SLC7A6: variants seen among roughly 807,000 people sequenced by gnomAD.
The protein encoded by SLC7A6 is solute carrier family 7 member 6, also known as Y+L amino acid transporter 2.
SLC7A6 carries 29 observed loss-of-function variants against 46.6 expected under a neutral mutation model. The ratio of observed to expected loss-of-function variants is 0.62; its 90% confidence interval spans 0.46 to 0.85. The LOEUF (loss-of-function observed/expected upper bound fraction) is 0.85, where lower values mean the gene tolerates loss of function less well. SLC7A6 is among the 40% of genes least tolerant of loss of function. SLC7A6 has a pLI of 0.00. For synonymous variants in SLC7A6, 276 were observed against 257.3 expected (o/e 1.07, Z -0.70); for missense variants, 527 against 647.6 (o/e 0.81, Z 2.02).
In SLC7A6 at chr16:68,291,621, T is replaced by G; in HGVS notation, c.982T>G (p.Cys328Gly). The change falls in exon 7 of 11, where the codon TGC becomes GGC. Residue 328 changes from cysteine (C) to glycine (G), a missense_variant. Cys to Gly is a radical substitution (Grantham distance 159). Transcript: ENST00000219343. ...WTIPIAVALS[C>G]FGGLNASIFA... Reference sequence around the variant, plus strand: ...CATCCCCATTGCTGTTGCCCTGTCCTGCTTTGGGGGCCTCAATGCATCCAT... The same window carrying G: ...CATCCCCATTGCTGTTGCCCTGTCCGGCTTTGGGGGCCTCAATGCATCCAT... 6.2e-7 allele frequency: 1 copy of G among 1,614,222 alleles called. No individual in the cohort carries two copies. The highest frequency in any genetic ancestry group is 8.5e-7 in the Non-Finnish European group (1 of 1,180,032).
chr16:68,290,642 C>G (rs2043030637), intron 5 of SLC7A6, 102 bp downstream of exon 5: 12 of 1,326,568 alleles, frequency 9.0e-6, no homozygotes, highest in Non-Finnish European at 1.3e-5. Context: ...CGACTCTCCT[C>G]CCCTCTTCTC....
rs2043258789 is a variant in SLC7A6, at chr16:68,300,889, G to A, written c.*3561G>A. The A allele has an allele frequency of 2.0e-6, 2 of 991,348 alleles. No homozygotes were observed. Among genetic ancestry groups the A allele is most frequent in the South Asian group, 9.2e-5 (2 of 21,658 alleles). 61.4% of individuals were successfully genotyped at this position (991,348 alleles called of 1,614,324 possible). On this transcript the variant is annotated 3_prime_UTR_variant, in exon 11 of 11. Transcript: ENST00000219343. ...GGTTTTCCTAGAGGCAGGCAGCCTG[G>A]TGGTATGGCACAGCAGAAGCTTACT... is the stretch of plus-strand genomic sequence containing the variant.
intron 5 of SLC7A6, 76 bp from the exon 6 acceptor site, chr16:68,291,133 C>G: frequency 6.3e-7 from 1 of 1,587,576 alleles, no homozygotes; most frequent in African/African-American, 1.3e-5. Context: ...TTAGGAAAAT[C>G]CCAGTGGAGA....
Position 68,290,234 on chromosome 16 carries a change from GT to G in SLC7A6, c.650-156del, listed in dbSNP as rs2043019582. 4 of 692,976 alleles carry G rather than the reference GT, an allele frequency of 5.8e-6. No homozygotes were observed. The East Asian group carries it at 1.1e-4, about 19-fold the overall frequency. The allele number at this position is 692,976 out of a possible 1,614,324, so 42.9% of individuals were successfully genotyped here. A position where few individuals can be genotyped will look rare whatever the true frequency, so the allele number is the denominator to read the frequency against. On this transcript the variant is annotated intron_variant, in intron 4 of 10. Coordinates refer to ENST00000219343, the MANE Select transcript of SLC7A6 (RefSeq NM_003983.6). The stretch of plus-strand genomic sequence containing the variant: ...TTTTTTTTCTTTCCCCTGCCTTCTT[GT>G]TTTTTCTTTCTTGTTCCTCCCCATT...
At chr16:68,280,835 C>T (rs900693458) in intron 3 of SLC7A6, among the ~76,000 whole-genome samples, 14 of 152,042 alleles carry the variant, frequency 9.2e-5, no homozygotes, top group African/African-American at 2.4e-4. Context: ...CCCAGGTTCA[C>T]GCCATTCTCC....
At chr16:68,294,220 T>C (rs2151232057) in intron 7 of SLC7A6, among the ~76,000 whole-genome samples, 1 of 152,346 alleles carries the variant, frequency 6.6e-6, no homozygotes, top group East Asian at 1.9e-4. Context: ...TCCCAGTCGG[T>C]AGAGCTCTTT....
chr16:68,287,946 T>C lies in SLC7A6; in HGVS notation c.649+75T>C. The C allele has an allele frequency of 3.2e-6, 5 of 1,568,148 alleles. No individual in the cohort carries two copies. The South Asian group carries it at 5.9e-5, about 18-fold the overall frequency. ...AGGAGAACATGGCGACTCTGTTAGC[T>C]TCACTGCTCGGCTGTTTCTATGTAC... is the stretch of plus-strand genomic sequence containing the variant. On this transcript the variant is annotated intron_variant, in intron 4 of 10. Transcript: ENST00000219343.
chr16:68,269,135 C>G (rs1228108341), intron 2 of SLC7A6, among the ~76,000 whole-genome samples: 2 of 152,180 alleles, frequency 1.3e-5, no homozygotes, highest in Non-Finnish European at 2.9e-5. Context: ...CATCTCACTG[C>G]TAAAGTTCCA....
chr16:68,296,679 T>C lies in SLC7A6; in HGVS notation c.1322T>C (p.Ile441Thr), dbSNP rs1227672526. 1 of 1,614,222 alleles carries C rather than the reference T, an allele frequency of 6.2e-7. No homozygotes were observed. The highest frequency in any genetic ancestry group is 8.5e-7 in the Non-Finnish European group (1 of 1,180,026). The part of the protein sequence containing the change: ...VFCICSVFLV[I>T]VPLFTDTINS... ...TGCATATGCTCCGTGTTTCTGGTGA[T>C]AGTGCCCCTCTTCACTGACACCATT... Residue 441 changes from isoleucine (I) to threonine (T), a missense_variant, in exon 10 of 11, where the codon ATA (isoleucine) becomes ACA (threonine). Transcript: ENST00000219343.
intron 3 of SLC7A6, among the ~76,000 whole-genome samples, chr16:68,280,659 C>A (rs2042813196): frequency 6.6e-6 from 1 of 151,896 alleles, no homozygotes; most frequent in Admixed American, 6.6e-5. Flanking sequence ...GTCTCAAACT[C>A]CTGGCTCAAG....
intron 3 of SLC7A6, among the ~76,000 whole-genome samples, chr16:68,281,069 A>C (rs2042821898): frequency 6.6e-6 from 1 of 152,176 alleles, no homozygotes; most frequent in Non-Finnish European, 1.5e-5. Flanking sequence ...TGGACTCCCC[A>C]GTCCACTGTA....
intron 3 of SLC7A6, among the ~76,000 whole-genome samples, chr16:68,280,991 C>T (rs2042819866): frequency 6.6e-6 from 1 of 152,200 alleles, no homozygotes; most frequent in Non-Finnish European, 1.5e-5. Context: ...CCTCGGCCTC[C>T]CAAAGTGCTG....
In SLC7A6 at chr16:68,298,082, C is replaced by CAGAT. The variant is rs915294884; in HGVS notation, c.*759_*762dup. 9.8e-5 allele frequency: 15 copies of CAGAT among 152,636 alleles called. No homozygotes were observed. The highest frequency in any genetic ancestry group is 3.4e-4 in the African/African-American group (14 of 41,438). 9.5% of individuals were successfully genotyped at this position (152,636 alleles called of 1,614,324 possible). On this transcript the variant is annotated 3_prime_UTR_variant, in exon 11 of 11. Transcript: ENST00000219343. ...CACGTACCTGTTACACTTTAGCATA[C>CAGAT]AGATAGATCATAGATCACGTTACAA...
At chr16:68,285,231 T>G (rs914692613) in intron 3 of SLC7A6, among the ~76,000 whole-genome samples, 1 of 152,210 alleles carries the variant, frequency 6.6e-6, no homozygotes, top group Non-Finnish European at 1.5e-5. Context: ...ACTCTGTGTT[T>G]CTGGGAGAGG....
intron 7 of SLC7A6, among the ~76,000 whole-genome samples, chr16:68,293,299 T>C (rs1057490654): frequency 1.3e-5 from 2 of 152,118 alleles, no homozygotes; most frequent in Non-Finnish European, 2.9e-5. Flanking sequence ...TGGCACGTGC[T>C]TGTAGTCCCA....
chr16:68,288,066 C>T (rs1481403488), intron 4 of SLC7A6, among the ~76,000 whole-genome samples, 195 bp downstream of exon 4: 1 of 152,198 alleles, frequency 6.6e-6, no homozygotes, highest in Non-Finnish European at 1.5e-5. Flanking sequence ...CATGAGTCAG[C>T]CTGTCCCTCA....
In SLC7A6 at chr16:68,275,012, CT is replaced by C. The variant is rs754726560; in HGVS notation, c.289del (p.Cys97ValfsTer20). On this transcript the variant is annotated frameshift_variant, in exon 3 of 11. Transcript: ENST00000219343. LOFTEE classifies it high-confidence loss of function. Reference sequence around the variant, plus strand: ...TGGGCTCTTCTCTGTTGTGGGTGCCCTTTGTTATGCAGAGCTGGGGACCACC... The same window carrying C: ...TGGGCTCTTCTCTGTTGTGGGTGCCCTTGTTATGCAGAGCTGGGGACCACC... Reference protein sequence around the residue: ...IGGLFSVVGALCYAELGTTIT... With the variant: ...IGGLFSVVGAXCYAELGTTIT... 1 of 1,614,140 alleles carries C rather than the reference CT, an allele frequency of 6.2e-7. No homozygotes were observed. Among genetic ancestry groups the C allele is most frequent in the Non-Finnish European group, 8.5e-7 (1 of 1,180,026 alleles).
intron 8 of SLC7A6, among the ~76,000 whole-genome samples, chr16:68,296,078 T>C (rs554127809): frequency 1.3e-5 from 2 of 152,212 alleles, no homozygotes; most frequent in South Asian, 4.2e-4. Context: ...TGCACTGAAG[T>C]GAGGAGGGCC....
rs1286405116 is a variant in SLC7A6, at chr16:68,287,965, T to A, written c.649+94T>A. 3 of 1,522,772 alleles carry A rather than the reference T, an allele frequency of 2.0e-6. No individual in the cohort carries two copies. The African/African-American group carries it at 4.1e-5, about 21-fold the overall frequency. The allele number at this position is 1,522,772 out of a possible 1,614,324, so 94.3% of individuals were successfully genotyped here. On this transcript the variant is annotated intron_variant, in intron 4 of 10. Transcript: ENST00000219343. ...GTTAGCTTCACTGCTCGGCTGTTTC[T>A]ATGTACATGCTAGCATGTGTCAGTG...
Sources: gnomAD v4.1 joint callset for allele counts (sites outside exome capture counted in the v4.1 genomes callset) on GRCh38, gnomAD v4.1.1 for gene constraint, MANE v1.5 for transcripts, NCBI Gene and HGNC (gene_info 2026-07-23, HGNC 2026-07-21) for gene names.